The following AQP7B variants were observed in gnomAD, a reference collection of about 807,000 sequenced individuals.
AQP7B encodes the protein putative aquaporin-7B.
At chr2:94,591,480 TC>T in the AQP7B span, among the ~76,000 whole-genome samples, 1 of 152,110 alleles carries the variant, frequency 6.6e-6, no homozygotes, top group Non-Finnish European at 1.5e-5. Flanking sequence ...TCTCCACCCA[TC>T]TGTGGAGAAG....
the AQP7B span, chr2:94,604,508 G>A: frequency 1.2e-6 from 2 of 1,610,516 alleles, no homozygotes. Flanking sequence ...CGTGAGCCTT[G>A]CCAACAGATC....
chr2:94,603,785 G>C, the AQP7B span: 36 of 1,533,966 alleles, frequency 2.3e-5, no homozygotes, highest in Admixed American at 4.6e-4. Flanking sequence ...GCACTGCCAG[G>C]AACACACGCG....
chr2:94,592,565 G>A, the AQP7B span, among the ~76,000 whole-genome samples: 3 of 152,024 alleles, frequency 2.0e-5, no homozygotes, highest in Non-Finnish European at 4.4e-5. Context: ...ACCAATGCAA[G>A]CAGCAGCCCA....
the AQP7B span, among the ~76,000 whole-genome samples, chr2:94,588,001 T>G: frequency 6.6e-6 from 1 of 151,872 alleles, no homozygotes; most frequent in Admixed American, 6.6e-5. Context: ...CAAAGGGGAA[T>G]TTTTGGGTGA....
chr2:94,598,151 C>G, the AQP7B span, among the ~76,000 whole-genome samples: 1 of 152,088 alleles, frequency 6.6e-6, no homozygotes, highest in East Asian at 1.9e-4. Context: ...AGGTGTAAGC[C>G]TATATCGGAT....
the AQP7B span, among the ~76,000 whole-genome samples, chr2:94,600,288 C>G: frequency 2.0e-5 from 3 of 152,176 alleles, no homozygotes; most frequent in African/African-American, 4.8e-5. Flanking sequence ...GAACAGAGTT[C>G]TCCAGGGGAA....
At chr2:94,594,551 C>G in the AQP7B span, among the ~76,000 whole-genome samples, 1 of 152,210 alleles carries the variant, frequency 6.6e-6, no homozygotes, top group African/African-American at 2.4e-5. Context: ...GGCCATCTAC[C>G]CCAGTTCCTC....
the AQP7B span, chr2:94,604,442 G>A: frequency 1.4e-5 from 23 of 1,611,454 alleles, no homozygotes; most frequent in African/African-American, 5.3e-5. Flanking sequence ...CGGGATAACC[G>A]TATTGCCCAA....
chr2:94,603,383 C>G, the AQP7B span: 47 of 1,603,312 alleles, frequency 2.9e-5, no homozygotes, highest in South Asian at 3.2e-4. Context: ...GTCTCCGCAG[C>G]GGCCATTCTC....
chr2:94,589,879 C>T, the AQP7B span, among the ~76,000 whole-genome samples: 1 of 152,142 alleles, frequency 6.6e-6, no homozygotes, highest in Non-Finnish European at 1.5e-5. Flanking sequence ...ATACTTCCCT[C>T]TCCCCCATGC....
chr2:94,591,413 G>C, the AQP7B span, among the ~76,000 whole-genome samples: 2 of 152,174 alleles, frequency 1.3e-5, no homozygotes, highest in Non-Finnish European at 2.9e-5. Flanking sequence ...CTGTCAGCTT[G>C]ACTGTGCTCT....
At chr2:94,602,785 T>A in the AQP7B span, among the ~76,000 whole-genome samples, 1 of 152,140 alleles carries the variant, frequency 6.6e-6, no homozygotes, top group Non-Finnish European at 1.5e-5. Flanking sequence ...CTGCCCCAGA[T>A]TCTTTCTGGG....
chr2:94,591,660 T>A, the AQP7B span, among the ~76,000 whole-genome samples: 1 of 152,104 alleles, frequency 6.6e-6, no homozygotes, highest in Non-Finnish European at 1.5e-5. Context: ...TCTCTGCCCA[T>A]CTCATGCCAC....
the AQP7B span, among the ~76,000 whole-genome samples, chr2:94,589,964 A>T: frequency 3.5e-4 from 53 of 149,662 alleles, no homozygotes; most frequent in African/African-American, 1.2e-3. Context: ...CCACCACCCT[A>T]CTCCCCCATG....
chr2:94,604,207 C>G, the AQP7B span: 5 of 1,397,158 alleles, frequency 3.6e-6, no homozygotes, highest in Non-Finnish European at 4.8e-6. Flanking sequence ...CTCCTCTGCT[C>G]AACCAGTCTT....
chr2:94,588,478 C>A, the AQP7B span: 3 of 630,572 alleles, frequency 4.8e-6, no homozygotes, highest in Non-Finnish European at 8.6e-6. Flanking sequence ...GCCCTAGTGA[C>A]CTCTCTTTGG....
At chr2:94,590,703 G>A in the AQP7B span, among the ~76,000 whole-genome samples, 6 of 152,060 alleles carry the variant, frequency 3.9e-5, no homozygotes, top group African/African-American at 1.4e-4. Context: ...TGCACCTTGG[G>A]AGGCTGAGGC....
the AQP7B span, among the ~76,000 whole-genome samples, chr2:94,589,356 G>T: frequency 6.6e-6 from 1 of 151,936 alleles, no homozygotes; most frequent in Non-Finnish European, 1.5e-5. Context: ...GAGTCCTCTG[G>T]TGACTATTCC....
the AQP7B span, among the ~76,000 whole-genome samples, chr2:94,596,224 G>A: frequency 1.2e-3 from 181 of 152,376 alleles, no homozygotes; most frequent in Non-Finnish European, 2.2e-3. Flanking sequence ...CTTCTTTAGT[G>A]TGTGATTGGG....
Sources: allele counts gnomAD v4.1 joint callset (sites outside exome capture counted in the v4.1 genomes callset), GRCh38; gene constraint gnomAD v4.1.1; transcripts MANE v1.5; gene names NCBI Gene and HGNC (gene_info 2026-07-23, HGNC 2026-07-21).